Variants in NDUFAF2 observed in about 807,000 individuals in gnomAD.
NDUFAF2 encodes the protein NADH:ubiquinone oxidoreductase complex assembly factor 2.
NDUFAF2 carries 13 observed loss-of-function variants against 22.8 expected under a neutral mutation model. The ratio of observed to expected loss-of-function variants is 0.57; its 90% CI spans 0.37 to 0.91. The LOEUF is 0.91. NDUFAF2 is among the 40% of genes least tolerant of loss of function. The probability of loss-of-function intolerance (pLI) is 0.01; values close to 1 mark genes in which losing one functional copy is unlikely to be tolerated. For missense variants in NDUFAF2, 162 were observed against 195.2 expected, an observed-to-expected ratio of 0.83 and a Z score of 1.01; for synonymous variants, 53 against 64.2, an observed-to-expected ratio of 0.83 and a Z score of 0.84.
intron 3 of NDUFAF2, among the ~76,000 whole-genome samples, chr5:61,147,437 C>CTTTTATTTTTTTTTTTTTT (rs1741156610): frequency 1.2e-5 from 1 of 84,728 alleles, no homozygotes; most frequent in Non-Finnish European, 2.2e-5. Context: ...TTTTTTCTTT[C>CTTTTATTTTTTTTTTTTTT]TTTTTTTTTT....
chr5:60,949,622 C>T (rs1430513907), intron 1 of NDUFAF2, among the ~76,000 whole-genome samples: 3 of 152,158 alleles, frequency 2.0e-5, no homozygotes, highest in Non-Finnish European at 4.4e-5. Context: ...AATAACAGTA[C>T]CTACTTAGCC....
chr5:61,026,400 A>C (rs1751650606), intron 1 of NDUFAF2, among the ~76,000 whole-genome samples: 1 of 152,124 alleles, frequency 6.6e-6, no homozygotes, highest in Non-Finnish European at 1.5e-5. Flanking sequence ...ATTGATTTTA[A>C]CTAAATATGT....
intron 1 of NDUFAF2, among the ~76,000 whole-genome samples, chr5:60,960,653 C>A (rs1205282210): frequency 6.6e-6 from 1 of 152,120 alleles, no homozygotes. Context: ...ATCTTCAGAA[C>A]TATATGTCAG....
At chr5:61,081,714 T>C (rs1447492616) in intron 2 of NDUFAF2, among the ~76,000 whole-genome samples, 1 of 152,248 alleles carries the variant, frequency 6.6e-6, no homozygotes, top group Admixed American at 6.5e-5. Context: ...CAAAGTTTCT[T>C]TAAATTTAAT....
chr5:61,031,140 A>G (rs980805408), intron 1 of NDUFAF2, among the ~76,000 whole-genome samples: 1 of 152,106 alleles, frequency 6.6e-6, no homozygotes, highest in Non-Finnish European at 1.5e-5. Context: ...TACTCTTAGC[A>G]GCCATCAAAT....
At chr5:60,965,594 A>G (rs1036316102) in intron 1 of NDUFAF2, among the ~76,000 whole-genome samples, 2 of 152,140 alleles carry the variant, frequency 1.3e-5, no homozygotes, top group African/African-American at 4.8e-5. Flanking sequence ...TAAAGATTCC[A>G]CATATAAGTG....
At chr5:60,949,514 T>C (rs1239987275) in intron 1 of NDUFAF2, among the ~76,000 whole-genome samples, 1 of 152,192 alleles carries the variant, frequency 6.6e-6, no homozygotes, top group African/African-American at 2.4e-5. Flanking sequence ...CATTCACATA[T>C]GGGTTTCGTG....
At chr5:61,024,474 G>A (rs1751625932) in intron 1 of NDUFAF2, among the ~76,000 whole-genome samples, 1 of 151,842 alleles carries the variant, frequency 6.6e-6, no homozygotes, top group Non-Finnish European at 1.5e-5. Flanking sequence ...GTTATAAAAT[G>A]ATAATAATAA....
chr5:61,033,307 A>T (rs1751752370), intron 1 of NDUFAF2, among the ~76,000 whole-genome samples: 2 of 152,130 alleles, frequency 1.3e-5, no homozygotes, highest in South Asian at 4.1e-4. Flanking sequence ...TTTGAACATT[A>T]ATTATTACAC....
intron 1 of NDUFAF2, among the ~76,000 whole-genome samples, chr5:60,995,018 C>A (rs567525987): frequency 6.6e-6 from 1 of 152,236 alleles, no homozygotes; most frequent in African/African-American, 2.4e-5. Context: ...TTGCATTTTT[C>A]ATCTCCAGAA....
chr5:60,957,288 T>G (rs1443692655), intron 1 of NDUFAF2, among the ~76,000 whole-genome samples: 1 of 152,162 alleles, frequency 6.6e-6, no homozygotes, highest in East Asian at 1.9e-4. Context: ...CTATTTTATT[T>G]TGAAGCAGGT....
intron 1 of NDUFAF2, among the ~76,000 whole-genome samples, chr5:61,007,290 TG>T (rs1751380207): frequency 6.6e-6 from 1 of 152,030 alleles, no homozygotes; most frequent in Non-Finnish European, 1.5e-5. Flanking sequence ...AATTAATTTT[TG>T]TATAAGGTGT....
chr5:61,135,588 A>AG (rs1223337027), intron 3 of NDUFAF2, among the ~76,000 whole-genome samples: 1 of 152,176 alleles, frequency 6.6e-6, no homozygotes, highest in African/African-American at 2.4e-5. Flanking sequence ...TGTGCACATC[A>AG]GGGGCCCTAT....
chr5:60,960,727 A>AT (rs1184519277), intron 1 of NDUFAF2, among the ~76,000 whole-genome samples: 2 of 151,890 alleles, frequency 1.3e-5, no homozygotes, highest in Non-Finnish European at 2.9e-5. Flanking sequence ...AATGTACCTG[A>AT]TTTTTTTTAA....
intron 1 of NDUFAF2, among the ~76,000 whole-genome samples, chr5:61,032,916 C>T (rs1385386171): frequency 2.6e-5 from 4 of 152,036 alleles, no homozygotes; most frequent in Admixed American, 1.3e-4. Flanking sequence ...AACTAATTTA[C>T]GCTCCCACCA....
At chr5:61,136,644 G>T (rs1740957298) in intron 3 of NDUFAF2, among the ~76,000 whole-genome samples, 1 of 152,072 alleles carries the variant, frequency 6.6e-6, no homozygotes, top group Admixed American at 6.6e-5. Context: ...TAACTTATTT[G>T]CAAGGCCACT....
At chr5:60,981,279 A>G (rs1221726705) in intron 1 of NDUFAF2, among the ~76,000 whole-genome samples, 2 of 152,230 alleles carry the variant, frequency 1.3e-5, no homozygotes, top group Non-Finnish European at 2.9e-5. Flanking sequence ...AGACAGTGGC[A>G]TGACATATTT....
intron 1 of NDUFAF2, among the ~76,000 whole-genome samples, chr5:60,987,141 A>G (rs1054277982): frequency 1.3e-5 from 2 of 152,202 alleles, no homozygotes; most frequent in South Asian, 2.1e-4. Flanking sequence ...AGAGACTACT[A>G]TGAGTACCTC....
chr5:61,030,479 T>C (rs551301828), intron 1 of NDUFAF2, among the ~76,000 whole-genome samples: 1 of 152,250 alleles, frequency 6.6e-6, no homozygotes, highest in South Asian at 2.1e-4. Flanking sequence ...TCTCAGCTCT[T>C]GGATCCTTTT....
Sources: gnomAD v4.1 joint callset for allele counts (sites outside exome capture counted in the v4.1 genomes callset) on GRCh38, gnomAD v4.1.1 for gene constraint, MANE v1.5 for transcripts, NCBI Gene and HGNC (gene_info 2026-07-23, HGNC 2026-07-21) for gene names.